The following FGF12 variants were observed in gnomAD, a reference collection of about 807,000 sequenced individuals.
FGF12 encodes fibroblast growth factor 12, also known as fibroblast growth factor 12B.
Under a neutral mutation model 23.6 loss-of-function variants are expected in FGF12, and 14 were observed. That is an observed-to-expected ratio of 0.59 (90% CI 0.39 to 0.93). The LOEUF (loss-of-function observed/expected upper bound fraction) is 0.93. Among genes scored for constraint, FGF12 ranks in the 40% least tolerant of loss-of-function variants. FGF12 has a pLI of 0.00. For missense variants in FGF12, 175 were observed against 217.8 expected (o/e 0.80, Z 1.24); for synonymous variants, 62 against 77.3 (o/e 0.80, Z 1.04).
intron 4 of FGF12, among the ~76,000 whole-genome samples, chr3:192,295,849 T>G (rs1714998806): frequency 6.6e-6 from 1 of 151,984 alleles, no homozygotes; most frequent in Non-Finnish European, 1.5e-5. Context: ...AAAACTGCAA[T>G]AGAAATATTT....
At chr3:192,397,216 G>A (rs1228595192) in intron 2 of FGF12, among the ~76,000 whole-genome samples, 2 of 152,174 alleles carry the variant, frequency 1.3e-5, no homozygotes, top group South Asian at 2.1e-4. Context: ...ATGTGGAGGC[G>A]GCCTGGCCAC....
chr3:192,406,651 A>G (rs909984750), intron 2 of FGF12, among the ~76,000 whole-genome samples: 1 of 152,188 alleles, frequency 6.6e-6, no homozygotes, highest in Non-Finnish European at 1.5e-5. Flanking sequence ...ATTTTTGTAT[A>G]CTCCTGAAAT....
chr3:192,258,129 A>G lies in FGF12; in HGVS notation c.228+77232T>C, dbSNP rs202167848. Among the ~76,000 whole-genome samples, 586 of 152,158 alleles carry G rather than the reference A, an allele frequency of 3.9e-3. 7 individuals carry two copies. The highest frequency in any genetic ancestry group is 4.4e-3 in the Non-Finnish European group (300 of 68,002). On this transcript the variant is annotated intron_variant, in intron 4 of 5. Transcript: ENST00000445105. ...GAGAGAGGAACCAGGAAAATTTTGC[A>G]TGAGGAAAAATATAAGACACGACAA...
chr3:192,446,518 C>A (rs536814427), intron 2 of FGF12, among the ~76,000 whole-genome samples: 1 of 152,302 alleles, frequency 6.6e-6, no homozygotes, highest in East Asian at 1.9e-4. Context: ...CAACATGTAT[C>A]AAATTGGGCA....
chr3:192,247,620 TC>T (rs1711709205), intron 4 of FGF12, among the ~76,000 whole-genome samples: 1 of 152,168 alleles, frequency 6.6e-6, no homozygotes, highest in Non-Finnish European at 1.5e-5. Flanking sequence ...AGATGACAGT[TC>T]AAGGTCAATA....
At chr3:192,205,849 G>A (rs1717621222) in intron 4 of FGF12, among the ~76,000 whole-genome samples, 1 of 152,150 alleles carries the variant, frequency 6.6e-6, no homozygotes, top group African/African-American at 2.4e-5. Flanking sequence ...TTACATCCCT[G>A]CAGGGACACA....
At chr3:192,679,481 C>T (rs2108705161) in intron 2 of FGF12, among the ~76,000 whole-genome samples, 1 of 152,090 alleles carries the variant, frequency 6.6e-6, no homozygotes, top group Non-Finnish European at 1.5e-5. Flanking sequence ...GCCTGTAATC[C>T]CAGCTACTCA....
intron 5 of FGF12, among the ~76,000 whole-genome samples, chr3:192,148,036 G>A (rs56282900): frequency 0.021 from 3,197 of 152,180 alleles, 102 homozygotes; most frequent in African/African-American, 0.073. Context: ...CTCAGCCACC[G>A]TGGAAAATGA....
chr3:192,608,402 A>C (rs1414818744), intron 2 of FGF12, among the ~76,000 whole-genome samples: 1 of 152,174 alleles, frequency 6.6e-6, no homozygotes, highest in African/African-American at 2.4e-5. Context: ...GTATCAAAAT[A>C]TCTCATGTGC....
intron 2 of FGF12, among the ~76,000 whole-genome samples, chr3:192,476,116 G>A (rs140604504): frequency 1.3e-4 from 20 of 152,126 alleles, no homozygotes; most frequent in Admixed American, 7.9e-4. Context: ...GATGACACCC[G>A]AAAGACTTTC....
At chr3:192,516,176 G>C (rs980182919) in intron 2 of FGF12, among the ~76,000 whole-genome samples, 1 of 152,172 alleles carries the variant, frequency 6.6e-6, no homozygotes, top group Non-Finnish European at 1.5e-5. Flanking sequence ...TGCTAAAATA[G>C]TGTTTGCAAT....
intron 4 of FGF12, 119 bp from the exon 5 acceptor site, chr3:192,170,775 TG>T (rs1715513966): frequency 1.2e-6 from 1 of 820,486 alleles, no homozygotes; most frequent in African/African-American, 1.7e-5. Flanking sequence ...TGAAAGGCAA[TG>T]ACACATAGTT....
At chr3:192,220,468 T>C (rs780611934) in intron 4 of FGF12, among the ~76,000 whole-genome samples, 4 of 152,312 alleles carry the variant, frequency 2.6e-5, no homozygotes, top group Admixed American at 6.5e-5. Flanking sequence ...CTCCTCCAAA[T>C]TCTCCTCACA....
At chr3:192,686,013 A>G (rs891338345) in intron 2 of FGF12, among the ~76,000 whole-genome samples, 18 of 152,196 alleles carry the variant, frequency 1.2e-4, no homozygotes, top group Non-Finnish European at 5.9e-5. Context: ...AGCGTGGCGC[A>G]ATCAGGGATG....
intron 4 of FGF12, among the ~76,000 whole-genome samples, chr3:192,201,078 G>C (rs541397312): frequency 1.3e-5 from 2 of 152,296 alleles, no homozygotes; most frequent in East Asian, 3.9e-4. Flanking sequence ...GTCATCTGTA[G>C]GGGGCCACTG....
chr3:192,610,848 G>A (rs561497113), intron 2 of FGF12, among the ~76,000 whole-genome samples: 3 of 152,094 alleles, frequency 2.0e-5, no homozygotes, highest in East Asian at 1.9e-4. Flanking sequence ...CCTGGAGAAC[G>A]TTGTCACCCA....
At position 192,173,138 on chromosome 3, in the gene FGF12, G is replaced by A. The variant is rs920415514; in HGVS notation, c.229-2482C>T. Among the ~76,000 whole-genome samples the A allele has an allele frequency of 2.0e-5, 3 of 150,834 alleles. No homozygotes were observed. In the Admixed American group the frequency reaches 2.0e-4, roughly 10 times the overall value. ...TGATTATCAAGGGTTGGGGAAGGAG[G>A]TGAGAGGGATAAGGGTGGAGTGACT... is the stretch of plus-strand genomic sequence containing the variant. On this transcript the variant is annotated intron_variant, in intron 4 of 5. Coordinates refer to ENST00000445105, the MANE Select transcript of FGF12 (RefSeq NM_004113.6).
intron 2 of FGF12, among the ~76,000 whole-genome samples, chr3:192,398,737 A>T (rs537178065): frequency 1.3e-5 from 2 of 152,254 alleles, no homozygotes; most frequent in Non-Finnish European, 2.9e-5. Flanking sequence ...CATTTCCAGG[A>T]CTGGCAGAGT....
chr3:192,302,759 T>G (rs1377058901), intron 4 of FGF12, among the ~76,000 whole-genome samples: 1 of 152,196 alleles, frequency 6.6e-6, no homozygotes, highest in Admixed American at 6.5e-5. Flanking sequence ...GAGAGGTACA[T>G]GTGGAAAGTT....
Sources: allele counts gnomAD v4.1 joint callset (sites outside exome capture counted in the v4.1 genomes callset), GRCh38; gene constraint gnomAD v4.1.1; transcripts MANE v1.5; gene names NCBI Gene and HGNC (gene_info 2026-07-23, HGNC 2026-07-21).